The following UNC13C variants were observed in gnomAD, a reference collection of about 807,000 sequenced individuals.
The protein encoded by UNC13C is unc-13 homolog C, also known as protein unc-13 homolog C.
A neutral mutation model predicts 245.4 loss-of-function variants in UNC13C; 174 were observed. The observed-to-expected ratio is 0.71, with a 90% confidence interval of 0.63 to 0.80. The LOEUF is 0.80. Ranked by LOEUF, UNC13C falls within the 30% of genes least tolerant of loss-of-function variation. UNC13C has a pLI of 0.00. For missense variants in UNC13C, 2,829 were observed against 2,602.9 expected, an observed-to-expected ratio of 1.09 and a Z score of -1.89; for synonymous variants, 992 against 895.1, an observed-to-expected ratio of 1.11 and a Z score of -1.93.
At chr15:54,405,229 A>G (rs1192378188) in intron 18 of UNC13C, among the ~76,000 whole-genome samples, 2 of 152,214 alleles carry the variant, frequency 1.3e-5, no homozygotes, top group African/African-American at 4.8e-5. Flanking sequence ...GGAGTTTTGA[A>G]GAGATTACTC....
intron 16 of UNC13C, among the ~76,000 whole-genome samples, chr15:54,337,221 G>A (rs1020452963): frequency 1.3e-5 from 2 of 152,078 alleles, no homozygotes; most frequent in Non-Finnish European, 2.9e-5. Flanking sequence ...TTAGAATTAT[G>A]TAAGATTTAA....
chr15:54,044,349 A>T, intron 2 of UNC13C: 1 of 246,224 alleles, frequency 4.1e-6, no homozygotes, highest in Admixed American at 4.8e-5. Context: ...GGAAAAAGCT[A>T]TTTCCACTTT....
intron 24 of UNC13C, among the ~76,000 whole-genome samples, 156 bp downstream of exon 24, chr15:54,511,986 T>G (rs1217828727): frequency 1.3e-5 from 2 of 152,174 alleles, no homozygotes; most frequent in East Asian, 3.9e-4. Flanking sequence ...CTAAAATGAT[T>G]ATTATCCACA....
At chr15:54,170,498 G>C (rs1398175813) in intron 4 of UNC13C, among the ~76,000 whole-genome samples, 1 of 152,100 alleles carries the variant, frequency 6.6e-6, no homozygotes, top group Non-Finnish European at 1.5e-5. Context: ...ATTACGTGTG[G>C]TACTGAGAGA....
the UNC13C span, among the ~76,000 whole-genome samples, chr15:53,840,844 G>A: frequency 4.6e-5 from 7 of 152,036 alleles, no homozygotes; most frequent in Admixed American, 1.3e-4. Flanking sequence ...TGTACGCCAT[G>A]GCCTCATACT....
At chr15:53,946,391 C>T in the UNC13C span, among the ~76,000 whole-genome samples, 52 of 151,120 alleles carry the variant, frequency 3.4e-4, no homozygotes, top group African/African-American at 1.2e-3. Context: ...TCCTAGATGG[C>T]TCTTATGATT....
the UNC13C span, among the ~76,000 whole-genome samples, chr15:53,843,208 A>G: frequency 6.7e-3 from 1,020 of 152,252 alleles, 6 homozygotes; most frequent in Non-Finnish European, 9.5e-3. Flanking sequence ...GGAGGCCGAG[A>G]CAGGCAGATT....
chr15:53,999,001 G>A (rs182782512), intron 1 of UNC13C, among the ~76,000 whole-genome samples: 1 of 151,688 alleles, frequency 6.6e-6, no homozygotes, highest in South Asian at 2.1e-4. Flanking sequence ...TATTTTATTT[G>A]CTAATGTTTT....
intron 30 of UNC13C, among the ~76,000 whole-genome samples, chr15:54,619,380 C>T (rs965341395): frequency 6.6e-6 from 1 of 152,170 alleles, no homozygotes; most frequent in Non-Finnish European, 1.5e-5. Context: ...AGCATTATCC[C>T]TTATCCTTTC....
intron 19 of UNC13C, among the ~76,000 whole-genome samples, chr15:54,456,265 A>G (rs180742266): frequency 6.6e-6 from 1 of 152,274 alleles, no homozygotes; most frequent in African/African-American, 2.4e-5. Flanking sequence ...CTTGTAGTAT[A>G]GTTTGAAGTT....
intron 1 of UNC13C, among the ~76,000 whole-genome samples, chr15:53,998,420 A>C (rs909753193): frequency 4.0e-5 from 6 of 151,850 alleles, no homozygotes; most frequent in Non-Finnish European, 1.5e-5. Flanking sequence ...TTATTTTTCA[A>C]TTTTTTACTG....
At chr15:54,172,487 C>T (rs888397155) in intron 4 of UNC13C, among the ~76,000 whole-genome samples, 1 of 151,286 alleles carries the variant, frequency 6.6e-6, no homozygotes, top group Admixed American at 6.6e-5. Context: ...CTCAGCATAA[C>T]GTGGTTGAAT....
In UNC13C at chr15:54,628,230, T is replaced by C. The variant is rs1901311364; in HGVS notation, c.*1117T>C. On this transcript the variant is annotated 3_prime_UTR_variant, in exon 33 of 33. Coordinates refer to ENST00000260323, the MANE Select transcript of UNC13C (RefSeq NM_001080534.3). ...TGGTTTTTGAATATAAAACAGTTTA[T>C]GAATATGTGCATTTTCTGTATTGTT... 1 of 152,178 alleles carries C rather than the reference T, an allele frequency of 6.6e-6. No individual in the cohort carries two copies. The highest frequency in any genetic ancestry group is 1.5e-5 in the Non-Finnish European group (1 of 68,014). The allele number at this position is 152,178 out of a possible 1,614,324, so 9.4% of individuals were successfully genotyped here. A position where few individuals can be genotyped will look rare whatever the true frequency, so the allele number is the denominator to read the frequency against.
chr15:54,400,449 T>A (rs1305274072), intron 18 of UNC13C, among the ~76,000 whole-genome samples: 1 of 152,128 alleles, frequency 6.6e-6, no homozygotes, highest in African/African-American at 2.4e-5. Flanking sequence ...TCTGGGTTAT[T>A]CCATTTGCTT....
intron 4 of UNC13C, among the ~76,000 whole-genome samples, chr15:54,167,075 A>G (rs1385140487): frequency 6.6e-6 from 1 of 152,226 alleles, no homozygotes; most frequent in African/African-American, 2.4e-5. Flanking sequence ...CCTGACTCCA[A>G]GATATATTAT....
chr15:54,201,896 A>G (rs551895972), intron 4 of UNC13C, among the ~76,000 whole-genome samples: 2 of 152,130 alleles, frequency 1.3e-5, no homozygotes. Flanking sequence ...TGATGATGTG[A>G]TTGTATACCT....
intron 1 of UNC13C, among the ~76,000 whole-genome samples, chr15:53,979,134 T>A (rs76462539): frequency 6.6e-5 from 10 of 151,812 alleles, no homozygotes; most frequent in African/African-American, 2.2e-4. Context: ...TCATTGCTTT[T>A]AAAAAAAGAA....
intron 2 of UNC13C, among the ~76,000 whole-genome samples, chr15:54,132,680 C>A (rs191778873): frequency 6.6e-6 from 1 of 152,282 alleles, no homozygotes; most frequent in Admixed American, 6.5e-5. Context: ...AATGATTTTT[C>A]TTTGCACTGT....
At chr15:54,453,929 T>C (rs1891324773) in intron 19 of UNC13C, among the ~76,000 whole-genome samples, 1 of 152,156 alleles carries the variant, frequency 6.6e-6, no homozygotes, top group South Asian at 2.1e-4. Flanking sequence ...TATTGTCAGT[T>C]TCCCCCTCCC....
Sources: gnomAD v4.1 joint callset for allele counts (sites outside exome capture counted in the v4.1 genomes callset) on GRCh38, gnomAD v4.1.1 for gene constraint, MANE v1.5 for transcripts, NCBI Gene and HGNC (gene_info 2026-07-23, HGNC 2026-07-21) for gene names.